Variants in CLDN12 observed in about 807,000 individuals in gnomAD.
The protein encoded by CLDN12 is claudin 12, also known as claudin-12.
A neutral mutation model predicts 15.5 loss-of-function variants in CLDN12; 9 were observed. The observed-to-expected ratio is 0.58, with a 90% confidence interval of 0.35 to 1.02. The LOEUF (loss-of-function observed/expected upper bound fraction) is 1.02. CLDN12 is among the 50% of genes least tolerant of loss of function. CLDN12 has a pLI of 0.02. For missense variants in CLDN12, 233 were observed against 297.3 expected (o/e 0.78, Z 1.59); for synonymous variants, 140 against 121.6 (o/e 1.15, Z -1.00).
intron 2 of CLDN12, 188 bp downstream of exon 2, chr7:90,405,796 T>C (rs6963257): frequency 4.6e-5 from 7 of 152,138 alleles, no homozygotes; most frequent in African/African-American, 1.4e-4. Flanking sequence ...ACTCTCAATG[T>C]TACCATCAAG....
At chr7:90,407,960 G>A (rs1232537489) in intron 2 of CLDN12, among the ~76,000 whole-genome samples, 2 of 152,200 alleles carry the variant, frequency 1.3e-5, no homozygotes, top group African/African-American at 4.8e-5. Flanking sequence ...GAATCAGGTG[G>A]TGTAAGCTAT....
chr7:90,412,669 T>G lies in CLDN12; in HGVS notation c.-8T>G. 5 of 1,607,240 alleles carry G rather than the reference T, an allele frequency of 3.1e-6. No homozygotes were observed. Among genetic ancestry groups the G allele is most frequent in the Non-Finnish European group, 4.2e-6 (5 of 1,176,754 alleles). Reference sequence around the variant, plus strand: ...TCTGACTGACAGTACTCCACAAGCTTGCCTGCCATGGGCTGTCGGGATGTC... The same window carrying G: ...TCTGACTGACAGTACTCCACAAGCTGGCCTGCCATGGGCTGTCGGGATGTC... On this transcript the variant is annotated 5_prime_UTR_variant, in exon 4 of 4. Coordinates refer to ENST00000496677, the MANE Select transcript of CLDN12 (RefSeq NM_001185072.3).
Position 90,413,897 on chromosome 7 carries a change from A to T in CLDN12, c.*486A>T. 1.0e-6 allele frequency: 1 copy of T among 998,968 alleles called. No individual in the cohort carries two copies. Among genetic ancestry groups the T allele is most frequent in the Non-Finnish European group, 1.2e-6 (1 of 829,160 alleles). The allele number at this position is 998,968 out of a possible 1,614,324, so 61.9% of individuals were successfully genotyped here. A position where few individuals can be genotyped will look rare whatever the true frequency, so the allele number is the denominator to read the frequency against. Reference sequence around the variant, plus strand: ...TCTAGCTTAAGGCTGTAACTCTTCTATCGGGGCTAATTGTATGAATAGGTG... The same window carrying T: ...TCTAGCTTAAGGCTGTAACTCTTCTTTCGGGGCTAATTGTATGAATAGGTG... On this transcript the variant is annotated 3_prime_UTR_variant, in exon 4 of 4. Coordinates refer to ENST00000496677, the MANE Select transcript of CLDN12 (RefSeq NM_001185072.3).
At chr7:90,405,038 G>C (rs903891948) in intron 1 of CLDN12, among the ~76,000 whole-genome samples, 21 of 151,856 alleles carry the variant, frequency 1.4e-4, no homozygotes, top group African/African-American at 4.6e-4. Context: ...GACAACACGT[G>C]TGCACCATCA....
At chr7:90,411,405 A>C (rs190336791) in intron 2 of CLDN12, among the ~76,000 whole-genome samples, 5 of 152,366 alleles carry the variant, frequency 3.3e-5, no homozygotes, top group African/African-American at 1.2e-4. Flanking sequence ...GAGGAAATTA[A>C]AGCTGAATAA....
Position 90,413,241 on chromosome 7 carries a change from T to G in CLDN12, c.565T>G (p.Ser189Ala). Residue 189 changes from serine to alanine, a missense_variant, in exon 4 of 4, where the codon TCC becomes GCC. By Grantham distance (99) the Ser-to-Ala change is moderately conservative. Coordinates refer to ENST00000496677, the MANE Select transcript of CLDN12 (RefSeq NM_001185072.3). ...TAGTGCTGGGGGCCTGTTTATGACT[T>G]CCCTTATACTATTTATTTGGTATTG... ...IASAGGLFMT[S>A]LILFIWYCTC... 6.2e-7 allele frequency: 1 copy of G among 1,614,188 alleles called. No homozygotes were observed. The highest frequency in any genetic ancestry group is 8.5e-7 in the Non-Finnish European group (1 of 1,180,012).
At chr7:90,411,054 T>A (rs1046639670) in intron 2 of CLDN12, among the ~76,000 whole-genome samples, 2 of 152,016 alleles carry the variant, frequency 1.3e-5, no homozygotes, top group Non-Finnish European at 2.9e-5. Flanking sequence ...AGATTAAATA[T>A]ACAAATAACA....
chr7:90,412,613 A>G, intron 3 of CLDN12, 31 bp from the exon 4 acceptor site: 1 of 1,545,166 alleles, frequency 6.5e-7, no homozygotes, highest in Non-Finnish European at 8.8e-7. Context: ...TTGTCCCCTC[A>G]TGATTTGTCC....
At chr7:90,409,221 T>A (rs948762177) in intron 2 of CLDN12, 1 of 152,222 alleles carries the variant, frequency 6.6e-6, no homozygotes, top group Non-Finnish European at 1.5e-5. Context: ...CCTGTTTGTT[T>A]GTTTGTTTGT....
chr7:90,415,212 G>A lies in CLDN12; in HGVS notation c.*1801G>A, dbSNP rs1027265526. ...AAGGTTATGATTTTTTTAATTACTG[G>A]CTTCTGATTTCTTTCACTTCTGATC... On this transcript the variant is annotated 3_prime_UTR_variant, in exon 4 of 4. Coordinates refer to ENST00000496677, the MANE Select transcript of CLDN12 (RefSeq NM_001185072.3). 25 of 165,018 alleles carry A rather than the reference G, an allele frequency of 1.5e-4. No homozygotes were observed. The highest frequency in any genetic ancestry group is 1.3e-3 in the Admixed American group (20 of 15,250). The allele number at this position is 165,018 out of a possible 1,614,324, so 10.2% of individuals were successfully genotyped here. A position where few individuals can be genotyped will look rare whatever the true frequency, so the allele number is the denominator to read the frequency against.
chr7:90,408,090 A>G (rs1434999482), intron 2 of CLDN12, among the ~76,000 whole-genome samples: 2 of 152,340 alleles, frequency 1.3e-5, no homozygotes, highest in African/African-American at 4.8e-5. Context: ...ATTAAAACTA[A>G]TTGACACAGC....
intron 2 of CLDN12, among the ~76,000 whole-genome samples, chr7:90,409,574 G>A (rs1796916287): frequency 1.3e-5 from 2 of 152,202 alleles, no homozygotes; most frequent in Admixed American, 6.5e-5. Flanking sequence ...AGGACTTTGA[G>A]TGGGTTATCT....
At chr7:90,404,626 A>G (rs1385528390) in intron 1 of CLDN12, among the ~76,000 whole-genome samples, 1 of 152,158 alleles carries the variant, frequency 6.6e-6, no homozygotes, top group African/African-American at 2.4e-5. Flanking sequence ...AAAATGTAAA[A>G]GAAAATTTCT....
chr7:90,413,746 A>G lies in CLDN12; in HGVS notation c.*335A>G. 1 of 1,040,368 alleles carries G rather than the reference A, an allele frequency of 9.6e-7. No homozygotes were observed. The highest frequency in any genetic ancestry group is 4.5e-5 in the South Asian group (1 of 22,454). 64.4% of individuals were successfully genotyped at this position (1,040,368 alleles called of 1,614,324 possible). ...ATGGTTAGCAGAAGCTGTTGTATAC[A>G]ATCTTCATGAAAATTTCAGTGTGTA... On this transcript the variant is annotated 3_prime_UTR_variant, in exon 4 of 4. Transcript: ENST00000496677.
intron 2 of CLDN12, among the ~76,000 whole-genome samples, chr7:90,407,357 A>G (rs538981418): frequency 6.6e-6 from 1 of 152,252 alleles, no homozygotes; most frequent in South Asian, 2.1e-4. Context: ...TGTTTTGTAA[A>G]ATGGGAGTCT....
At chr7:90,406,306 G>A (rs980007413) in intron 2 of CLDN12, among the ~76,000 whole-genome samples, 7 of 151,784 alleles carry the variant, frequency 4.6e-5, no homozygotes, top group Non-Finnish European at 8.8e-5. Flanking sequence ...ATTTTTATTC[G>A]TAATTATGTC....
At chr7:90,405,217 C>G (rs971703835) in intron 1 of CLDN12, among the ~76,000 whole-genome samples, 9 of 152,152 alleles carry the variant, frequency 5.9e-5, no homozygotes, top group Non-Finnish European at 8.8e-5. Context: ...CATGAGCCAC[C>G]ATGCCCAGCT....
At position 90,413,026 on chromosome 7, in the gene CLDN12, T is replaced by C; in HGVS notation, c.350T>C (p.Val117Ala). The change falls in exon 4 of 4, where the codon GTG (valine) becomes GCG (alanine). Residue 117 changes from valine (V) to alanine (A), a missense_variant. Val to Ala is a moderately conservative substitution (Grantham distance 64). Transcript: ENST00000496677. ...TGCAACACTGCCTTCAGGTCCTCGGTGCCCAACATCAAACTGGCCAAGTGT... is the reference window on the plus strand; with the variant it reads ...TGCAACACTGCCTTCAGGTCCTCGGCGCCCAACATCAAACTGGCCAAGTGT... Reference protein sequence around the residue: ...GMCNTAFRSSVPNIKLAKCLV... With the variant: ...GMCNTAFRSSAPNIKLAKCLV... 5 of 1,614,202 alleles carry C rather than the reference T, an allele frequency of 3.1e-6. No individual in the cohort carries two copies. Among genetic ancestry groups the C allele is most frequent in the Non-Finnish European group, 4.2e-6 (5 of 1,180,042 alleles).
At chr7:90,404,906 T>C (rs1796805100) in intron 1 of CLDN12, among the ~76,000 whole-genome samples, 1 of 151,864 alleles carries the variant, frequency 6.6e-6, no homozygotes. Flanking sequence ...TTTTTTTTAT[T>C]ATTTGAGACA....
Sources: allele counts gnomAD v4.1 joint callset (sites outside exome capture counted in the v4.1 genomes callset), GRCh38; gene constraint gnomAD v4.1.1; transcripts MANE v1.5; gene names NCBI Gene and HGNC (gene_info 2026-07-23, HGNC 2026-07-21).